Variants in SULF2 observed in about 807,000 individuals in gnomAD.
SULF2 encodes sulfatase 2.
A neutral mutation model predicts 107.7 loss-of-function variants in SULF2; 52 were observed. That is an observed-to-expected ratio of 0.48 (90% CI 0.39 to 0.61). The LOEUF (loss-of-function observed/expected upper bound fraction) is 0.61. Among genes scored for constraint, SULF2 ranks in the 20% least tolerant of loss-of-function variants. The pLI is 0.00. For missense variants in SULF2, 993 were observed against 1,177.3 expected (o/e 0.84, Z 2.29); for synonymous variants, 460 against 464.3 (o/e 0.99, Z 0.12).
chr20:47,723,762 A>T (rs374851404), intron 3 of SULF2, among the ~76,000 whole-genome samples: 7 of 152,166 alleles, frequency 4.6e-5, no homozygotes, highest in Admixed American at 1.3e-4. Flanking sequence ...GTTGCAGGAA[A>T]ACAAGCTCGG....
chr20:47,686,088 C>T (rs2146520455), intron 5 of SULF2: 1 of 152,366 alleles, frequency 6.6e-6, no homozygotes, highest in South Asian at 2.1e-4. Context: ...AAGGGGAACC[C>T]TTCTAACCAT....
chr20:47,763,645 T>C (rs1464849436), intron 1 of SULF2, among the ~76,000 whole-genome samples: 1 of 152,188 alleles, frequency 6.6e-6, no homozygotes, highest in African/African-American at 2.4e-5. Flanking sequence ...GCAACAGACC[T>C]AGCGGCCTCC....
chr20:47,680,554 G>A lies in SULF2; in HGVS notation c.1065-1750C>T, dbSNP rs2087790951. On this transcript the variant is annotated intron_variant, in intron 7 of 20. Transcript: ENST00000688720. The surrounding 1 kb of genome is among the most constrained non-coding windows in gnomAD (Gnocchi z 4.2). ...TTCCCTGGGGACCAGGGCAGGGCCT[G>A]GGTCCTAGGGTTTCCGTCATCTTTA... Among the ~76,000 whole-genome samples the A allele has an allele frequency of 6.6e-6, 1 of 152,244 alleles. No homozygotes were observed. Among genetic ancestry groups the A allele is most frequent in the Non-Finnish European group, 1.5e-5 (1 of 68,038 alleles).
chr20:47,774,275 T>C (rs1209298294), intron 1 of SULF2, among the ~76,000 whole-genome samples: 4 of 152,188 alleles, frequency 2.6e-5, no homozygotes, highest in African/African-American at 9.7e-5. Flanking sequence ...CTGAGATTAG[T>C]CTGGATCAGT....
At chr20:47,702,443 G>A (rs747217161) in intron 4 of SULF2, 76 bp downstream of exon 4, 14 of 1,532,680 alleles carry the variant, frequency 9.1e-6, no homozygotes, top group Non-Finnish European at 1.2e-5. Flanking sequence ...CTGAACCCAA[G>A]TAGTCTGGCT....
chr20:47,756,544 G>A (rs1015234534), intron 2 of SULF2, among the ~76,000 whole-genome samples: 5 of 152,092 alleles, frequency 3.3e-5, no homozygotes, highest in African/African-American at 1.2e-4. Context: ...TCCTTTAAGA[G>A]TGGACAGAGG....
At chr20:47,771,507 G>A (rs749430758) in intron 1 of SULF2, among the ~76,000 whole-genome samples, 8 of 152,276 alleles carry the variant, frequency 5.3e-5, no homozygotes, top group African/African-American at 1.4e-4. Context: ...ATAAGACCTC[G>A]TTTGGGGAAA....
At chr20:47,701,867 C>T (rs1452981077) in intron 4 of SULF2, among the ~76,000 whole-genome samples, 1 of 152,114 alleles carries the variant, frequency 6.6e-6, no homozygotes, top group African/African-American at 2.4e-5. Context: ...CGTGAGGGGA[C>T]TGCTGCGGGC....
intron 1 of SULF2, among the ~76,000 whole-genome samples, chr20:47,762,579 C>A (rs990118297): frequency 6.6e-6 from 1 of 152,244 alleles, no homozygotes; most frequent in African/African-American, 2.4e-5. Flanking sequence ...TCAACCAGGA[C>A]CCCCTAGAAG....
chr20:47,676,387 G>C, intron 10 of SULF2, 107 bp downstream of exon 10: 1 of 1,306,372 alleles, frequency 7.7e-7, no homozygotes, highest in Non-Finnish European at 1.0e-6. Context: ...AGGACTACCC[G>C]TTGGGAGGCC....
chr20:47,755,455 G>C (rs2090259022), intron 2 of SULF2, among the ~76,000 whole-genome samples: 1 of 152,172 alleles, frequency 6.6e-6, no homozygotes, highest in Non-Finnish European at 1.5e-5. Context: ...GCAAAAATGT[G>C]TTGTTCCTAA....
chr20:47,727,042 G>A (rs928101787), intron 3 of SULF2, among the ~76,000 whole-genome samples: 75 of 132,416 alleles, frequency 5.7e-4, no homozygotes, highest in African/African-American at 1.8e-3. Context: ...GTTTGACATC[G>A]GCTCTGCAGC....
At chr20:47,753,194 CCTCGAAAAGGCACCCAT>C (rs1476813992) in intron 2 of SULF2, among the ~76,000 whole-genome samples, 1 of 151,960 alleles carries the variant, frequency 6.6e-6, no homozygotes, top group Non-Finnish European at 1.5e-5. Flanking sequence ...ATCTGAGGGG[CCTCGAAAAGGCACCCAT>C]CTCTGCCTGG....
intron 11 of SULF2, among the ~76,000 whole-genome samples, chr20:47,667,632 T>C (rs1223435796): frequency 1.3e-5 from 2 of 152,102 alleles, no homozygotes; most frequent in African/African-American, 2.4e-5. Flanking sequence ...CGCCACTCCT[T>C]CCTGTTTTAA....
At chr20:47,665,817 T>C in intron 13 of SULF2, 40 bp downstream of exon 13, 1 of 1,566,276 alleles carries the variant, frequency 6.4e-7, no homozygotes, top group Non-Finnish European at 8.8e-7. Flanking sequence ...GCCAGGCCCG[T>C]GGTGGCCGAG....
intron 15 of SULF2, 100 bp from the exon 16 acceptor site, chr20:47,663,722 T>C: frequency 1.5e-6 from 2 of 1,346,982 alleles, no homozygotes; most frequent in Non-Finnish European, 2.0e-6. Flanking sequence ...CTGAGGCTTC[T>C]CCAACAGAGA....
chr20:47,757,217 C>T lies in SULF2; in HGVS notation c.147G>A (p.Val49=). ...GCTCCACATCCTGGTCGTCCGTCAG[C>T]ACCAGGATGATGTTGGGGCGGATGT... The part of the protein sequence containing the change: ...RRNIRPNIIL[V]LTDDQDVELG... Residue 49 remains valine, a synonymous_variant, in exon 2 of 21, where the codon GTG becomes GTA. Coordinates refer to ENST00000688720, the MANE Select transcript of SULF2 (RefSeq NM_001387048.1). 1 of 1,562,100 alleles carries T rather than the reference C, an allele frequency of 6.4e-7. No homozygotes were observed. The highest frequency in any genetic ancestry group is 8.7e-7 in the Non-Finnish European group (1 of 1,152,308).
intron 1 of SULF2, among the ~76,000 whole-genome samples, chr20:47,763,166 C>T (rs1187781889): frequency 6.6e-6 from 1 of 152,206 alleles, no homozygotes; most frequent in Non-Finnish European, 1.5e-5. Flanking sequence ...CCCACCAGTT[C>T]CTTTCCAGGT....
chr20:47,698,179 AG>A (rs2088447467), intron 4 of SULF2, among the ~76,000 whole-genome samples: 1 of 152,208 alleles, frequency 6.6e-6, no homozygotes. Context: ...CCAGAACAGA[AG>A]TGGGACAGAG....
Sources: allele counts gnomAD v4.1 joint callset (sites outside exome capture counted in the v4.1 genomes callset), GRCh38; gene constraint gnomAD v4.1.1; non-coding constraint Gnocchi (gnomAD v3.1); transcripts MANE v1.5; gene names NCBI Gene and HGNC (gene_info 2026-07-23, HGNC 2026-07-21).